The following CDH11 variants were observed in gnomAD, a reference collection of about 807,000 sequenced individuals.
CDH11 encodes the protein cadherin-11.
In CDH11, 11 loss-of-function variants were observed where a neutral mutation model predicts 67.8. The observed-to-expected ratio is 0.16, with a 90% CI of 0.10 to 0.27. The LOEUF is 0.27. Among genes scored for constraint, CDH11 ranks in the 10% least tolerant of loss-of-function variants. The pLI, the probability that CDH11 is intolerant of heterozygous loss-of-function variation, is 1.00. For synonymous variants in CDH11, 419 were observed against 400.0 expected (o/e 1.05, Z -0.57); for missense variants, 847 against 1,031.2 (o/e 0.82, Z 2.45).
intron 2 of CDH11, among the ~76,000 whole-genome samples, chr16:65,024,296 C>T (rs1184598495): frequency 6.6e-6 from 1 of 152,182 alleles, no homozygotes; most frequent in Non-Finnish European, 1.5e-5. Context: ...GACATGGTTT[C>T]TGCCCTCAGG....
intron 2 of CDH11, among the ~76,000 whole-genome samples, chr16:65,053,359 G>A (rs1007859288): frequency 1.3e-5 from 2 of 152,026 alleles, no homozygotes; most frequent in Non-Finnish European, 2.9e-5. Context: ...GCTCGTGATC[G>A]AGGGCCATGT....
chr16:65,018,732 A>G (rs1453034153), intron 2 of CDH11, among the ~76,000 whole-genome samples: 1 of 152,232 alleles, frequency 6.6e-6, no homozygotes, highest in Non-Finnish European at 1.5e-5. Flanking sequence ...AATATTTATG[A>G]ACACAGTTTT....
Position 64,974,417 on chromosome 16 carries a change from G to A in CDH11, c.1254-1377C>T, listed in dbSNP as rs143530285. ...AGAGATAGCAGAGGCCATGAATATC[G>A]GAAGGTTTAATTGCCTGGATTTACA... On this transcript the variant is annotated intron_variant, in intron 8 of 12. Transcript: ENST00000268603. Among the ~76,000 whole-genome samples the A allele has an allele frequency of 3.7e-3, 564 of 152,196 alleles. 5 individuals are homozygous for A. The highest frequency in any genetic ancestry group is 0.013 in the African/African-American group (535 of 41,508).
chr16:65,116,759 G>A (rs1160326823), intron 1 of CDH11, among the ~76,000 whole-genome samples: 1 of 94,142 alleles, frequency 1.1e-5, no homozygotes, highest in South Asian at 3.2e-4. Context: ...TAAGGATAGA[G>A]AGAGAGAGAG....
chr16:65,050,842 A>T (rs2074043746), intron 2 of CDH11, among the ~76,000 whole-genome samples: 1 of 152,114 alleles, frequency 6.6e-6, no homozygotes, highest in East Asian at 1.9e-4. Context: ...AATTAAATTC[A>T]AGTACTTTCT....
intron 1 of CDH11, among the ~76,000 whole-genome samples, chr16:65,060,218 A>C (rs1303432017): frequency 6.6e-6 from 1 of 152,100 alleles, no homozygotes; most frequent in Non-Finnish European, 1.5e-5. Context: ...TCCAATCTAG[A>C]TTTCCCTTGC....
chr16:65,089,101 G>T (rs1025597200), intron 1 of CDH11, among the ~76,000 whole-genome samples: 6 of 151,986 alleles, frequency 3.9e-5, no homozygotes, highest in Non-Finnish European at 4.4e-5. Context: ...TTCTTGTTTA[G>T]TTGGGGTAAT....
At chr16:65,068,132 G>C (rs1488823595) in intron 1 of CDH11, among the ~76,000 whole-genome samples, 1 of 140,322 alleles carries the variant, frequency 7.1e-6, no homozygotes, top group Non-Finnish European at 1.6e-5. Context: ...GGAGGGAGGG[G>C]GCAGGGAGAG....
intron 11 of CDH11, among the ~76,000 whole-genome samples, chr16:64,959,944 C>T (rs545097620): frequency 2.0e-5 from 3 of 152,162 alleles, no homozygotes; most frequent in African/African-American, 7.2e-5. Flanking sequence ...TTGCTTTCCA[C>T]GCAAACATTT....
intron 1 of CDH11, among the ~76,000 whole-genome samples, chr16:65,071,138 G>A (rs1409249001): frequency 6.6e-6 from 1 of 152,172 alleles, no homozygotes; most frequent in East Asian, 1.9e-4. Context: ...CTGACACCTC[G>A]AGCAGAAAAT....
chr16:64,998,403 A>G, intron 4 of CDH11, 159 bp downstream of exon 4: 1 of 705,506 alleles, frequency 1.4e-6, no homozygotes, highest in Non-Finnish European at 2.4e-6. Context: ...TGTTATTCCC[A>G]TTTTACAGAG....
At chr16:65,063,635 T>C (rs2074267113) in intron 1 of CDH11, among the ~76,000 whole-genome samples, 1 of 152,212 alleles carries the variant, frequency 6.6e-6, no homozygotes, top group South Asian at 2.1e-4. Context: ...TTGGCTTTGA[T>C]ATCTGCAAAT....
At chr16:64,995,888 AC>A (rs1307697557) in intron 4 of CDH11, among the ~76,000 whole-genome samples, 1 of 152,240 alleles carries the variant, frequency 6.6e-6, no homozygotes, top group Non-Finnish European at 1.5e-5. Context: ...AGGAATTTAA[AC>A]AATTCAACAA....
At chr16:64,974,518 G>A (rs2072108290) in intron 8 of CDH11, among the ~76,000 whole-genome samples, 1 of 152,148 alleles carries the variant, frequency 6.6e-6, no homozygotes, top group Non-Finnish European at 1.5e-5. Context: ...CCCAGATCAT[G>A]TTCTTTTCAG....
chr16:65,116,344 C>T (rs559085520), intron 1 of CDH11, among the ~76,000 whole-genome samples: 225 of 152,292 alleles, frequency 1.5e-3, no homozygotes, highest in Non-Finnish European at 2.4e-3. Context: ...GAGATCTCTA[C>T]GTGTCTTAAA....
At chr16:64,952,548 C>T (rs1429316135) in intron 11 of CDH11, among the ~76,000 whole-genome samples, 1 of 152,170 alleles carries the variant, frequency 6.6e-6, no homozygotes, top group African/African-American at 2.4e-5. Flanking sequence ...GTTTTCTCTA[C>T]CAGCCTCAAC....
chr16:65,009,534 G>T (rs1426289494), intron 2 of CDH11, among the ~76,000 whole-genome samples: 1 of 152,126 alleles, frequency 6.6e-6, no homozygotes, highest in African/African-American at 2.4e-5. Flanking sequence ...GATGTATTCA[G>T]TGGTAGGGAC....
At chr16:64,993,766 A>G (rs1203727590) in intron 4 of CDH11, among the ~76,000 whole-genome samples, 1 of 152,166 alleles carries the variant, frequency 6.6e-6, no homozygotes, top group African/African-American at 2.4e-5. Flanking sequence ...CTGGCTGGTC[A>G]CAAATAGCAA....
chr16:65,108,895 C>T (rs913925382), intron 1 of CDH11, among the ~76,000 whole-genome samples: 1 of 152,058 alleles, frequency 6.6e-6, no homozygotes, highest in African/African-American at 2.4e-5. Flanking sequence ...ACCTATAATC[C>T]CAGCACTTTG....
Sources: gnomAD v4.1 joint callset for allele counts (sites outside exome capture counted in the v4.1 genomes callset) on GRCh38, gnomAD v4.1.1 for gene constraint, MANE v1.5 for transcripts, NCBI Gene and HGNC (gene_info 2026-07-23, HGNC 2026-07-21) for gene names.